The following TRAF3 variants were observed in gnomAD, a reference collection of about 807,000 sequenced individuals.
TRAF3 encodes TNF receptor-associated factor 3.
Under a neutral mutation model 62.3 loss-of-function variants are expected in TRAF3, and 13 were observed. The observed-to-expected ratio is 0.21, with a 90% CI of 0.14 to 0.33. TRAF3 has a LOEUF of 0.33. Among genes scored for constraint, TRAF3 ranks in the 10% least tolerant of loss-of-function variants. TRAF3 has a pLI of 1.00. For synonymous variants in TRAF3, 269 were observed against 283.4 expected (o/e 0.95, Z 0.51); for missense variants, 440 against 741.8 (o/e 0.59, Z 4.73).
At position 102,849,760 on chromosome 14, in the gene TRAF3, G is replaced by A. The variant is rs1020085986; in HGVS notation, c.-18+19288G>A. On this transcript the variant is annotated intron_variant, in intron 2 of 11. Transcript: ENST00000392745. The stretch of plus-strand genomic sequence containing the variant: ...TGGAACATTTGGCATCAGGTACCAG[G>A]AACAGAGTCAGTATGCTGAAATGTT... Among the ~76,000 whole-genome samples, 24 of 152,184 alleles carry A rather than the reference G, an allele frequency of 1.6e-4. 1 individual carries two copies. Among genetic ancestry groups the A allele is most frequent in the Admixed American group, 1.2e-3 (18 of 15,274 alleles).
At chr14:102,823,004 C>T (rs1384581759) in intron 1 of TRAF3, among the ~76,000 whole-genome samples, 1 of 138,668 alleles carries the variant, frequency 7.2e-6, no homozygotes, top group Admixed American at 7.5e-5. Flanking sequence ...GAAACTCCAT[C>T]TCAAAAAAAA....
chr14:102,791,411 G>C (rs1219921922), intron 1 of TRAF3, among the ~76,000 whole-genome samples: 1 of 152,076 alleles, frequency 6.6e-6, no homozygotes, highest in Non-Finnish European at 1.5e-5. Context: ...CATCTCTTTG[G>C]ATAAATTTAT....
At chr14:102,799,963 A>AT (rs1898294639) in intron 1 of TRAF3, among the ~76,000 whole-genome samples, 2 of 152,112 alleles carry the variant, frequency 1.3e-5, no homozygotes, top group African/African-American at 4.8e-5. Flanking sequence ...ATTTAATAAC[A>AT]TTTTGTGGTC....
At chr14:102,834,817 A>G (rs960383489) in intron 2 of TRAF3, among the ~76,000 whole-genome samples, 13 of 152,274 alleles carry the variant, frequency 8.5e-5, no homozygotes, top group African/African-American at 3.1e-4. Flanking sequence ...CCTAGGCAAT[A>G]CCATTCTGGA....
At chr14:102,897,823 C>G (rs553142219) in intron 10 of TRAF3, among the ~76,000 whole-genome samples, 3 of 152,260 alleles carry the variant, frequency 2.0e-5, no homozygotes, top group Non-Finnish European at 4.4e-5. Context: ...TCCAGTGACA[C>G]GCGCTCACCC....
intron 1 of TRAF3, among the ~76,000 whole-genome samples, chr14:102,792,229 G>A (rs889107402): frequency 6.9e-6 from 1 of 145,698 alleles, no homozygotes; most frequent in African/African-American, 2.5e-5. Flanking sequence ...GGCTCAAGCA[G>A]TGCTCCTTCT....
intron 1 of TRAF3, among the ~76,000 whole-genome samples, chr14:102,820,906 A>G (rs889996927): frequency 1.3e-5 from 2 of 151,818 alleles, no homozygotes; most frequent in Admixed American, 1.3e-4. Flanking sequence ...AAGTGCTGAG[A>G]TTACAGGCAT....
intron 4 of TRAF3, among the ~76,000 whole-genome samples, chr14:102,875,263 G>A (rs918274573): frequency 1.2e-4 from 18 of 152,082 alleles, no homozygotes; most frequent in Admixed American, 7.2e-4. Flanking sequence ...GCTGGCTCCC[G>A]GAAGGCCCCA....
At chr14:102,848,727 T>C (rs923986890) in intron 2 of TRAF3, among the ~76,000 whole-genome samples, 4 of 152,234 alleles carry the variant, frequency 2.6e-5, no homozygotes, top group Admixed American at 6.5e-5. Flanking sequence ...ATCCCTTTTT[T>C]CCTTGCATTT....
At position 102,850,520 on chromosome 14, in the gene TRAF3, A is replaced by G. The variant is rs533418737; in HGVS notation, c.-17-19665A>G. Among the ~76,000 whole-genome samples the G allele has an allele frequency of 9.9e-4, 150 of 152,068 alleles. 1 individual carries two copies. Among genetic ancestry groups the G allele is most frequent in the African/African-American group, 3.6e-3 (148 of 41,460 alleles). The stretch of plus-strand genomic sequence containing the variant: ...AATACCAGCCTGGCCAACATGGTGA[A>G]ACCCTGTCTCTACTAAAAATACAAA... On this transcript the variant is annotated intron_variant, in intron 2 of 11. Coordinates refer to ENST00000392745, the MANE Select transcript of TRAF3 (RefSeq NM_145725.3).
intron 6 of TRAF3, among the ~76,000 whole-genome samples, chr14:102,882,448 C>T (rs1160686483): frequency 6.6e-6 from 1 of 152,194 alleles, no homozygotes; most frequent in Non-Finnish European, 1.5e-5. Context: ...TGCCTCTCAG[C>T]CTGACCAGGG....
At chr14:102,865,563 G>A (rs372737138) in intron 2 of TRAF3, among the ~76,000 whole-genome samples, 20 of 148,320 alleles carry the variant, frequency 1.3e-4, no homozygotes, top group African/African-American at 2.5e-4. Context: ...GCAGTGGCAC[G>A]ATCTCGGGTC....
intron 2 of TRAF3, among the ~76,000 whole-genome samples, chr14:102,846,638 TAAAAAAAAAAA>T (rs752922791): frequency 4.2e-5 from 3 of 71,788 alleles, no homozygotes; most frequent in African/African-American, 6.3e-5. Flanking sequence ...TCCAGCTTCT[TAAAAAAAAAAA>T]AAAAAAAAAA....
intron 6 of TRAF3, among the ~76,000 whole-genome samples, chr14:102,877,918 T>C (rs1449570129): frequency 6.6e-6 from 1 of 152,254 alleles, no homozygotes; most frequent in Non-Finnish European, 1.5e-5. Context: ...TTCTGCTCAA[T>C]TAATATATAC....
intron 10 of TRAF3, among the ~76,000 whole-genome samples, chr14:102,899,937 T>C (rs1890192864): frequency 2.0e-5 from 3 of 152,172 alleles, no homozygotes; most frequent in African/African-American, 4.8e-5. Context: ...CCCAGCACTT[T>C]GGGAGGCCGA....
chr14:102,881,216 T>C (rs930671665), intron 6 of TRAF3, among the ~76,000 whole-genome samples: 1 of 151,866 alleles, frequency 6.6e-6, no homozygotes, highest in African/African-American at 2.4e-5. Flanking sequence ...AAACCCCATC[T>C]CTACTTAAAA....
rs532522432 is a variant in TRAF3 at position 102,784,858 on chromosome 14, G to T, written c.-157+7183G>T. 1.6e-3 allele frequency among the ~76,000 whole-genome samples: 237 copies of T among 152,252 alleles called. 2 individuals are homozygous for T. The highest frequency in any genetic ancestry group is 5.4e-3 in the African/African-American group (224 of 41,552). ...CTAGCAGCAGGAGTGGGGAAGCCTG[G>T]GCTGGCAGGGAGTCGCCTGGCAGAG... On this transcript the variant is annotated intron_variant, in intron 1 of 11. Transcript: ENST00000392745.
chr14:102,873,124 A>G (rs1390431223), intron 4 of TRAF3, among the ~76,000 whole-genome samples: 2 of 152,198 alleles, frequency 1.3e-5, no homozygotes, highest in African/African-American at 2.4e-5. Flanking sequence ...TTTCCTGTCT[A>G]AAGCACCTTG....
At chr14:102,779,269 CTTTTTTTTTTTTTTT>C (rs61309052) in intron 1 of TRAF3, among the ~76,000 whole-genome samples, 74,791 of 124,282 alleles carry the variant, frequency 0.6, 22,617 homozygotes, top group South Asian at 0.79. Flanking sequence ...AGAATTCCAG[CTTTTTTTTTTTTTTT>C]TTTTTTTTTT....
Sources: gnomAD v4.1 joint callset for allele counts (sites outside exome capture counted in the v4.1 genomes callset) on GRCh38, gnomAD v4.1.1 for gene constraint, MANE v1.5 for transcripts, NCBI Gene and HGNC (gene_info 2026-07-23, HGNC 2026-07-21) for gene names.